The following CPS1 variants were observed in gnomAD, a reference collection of about 807,000 sequenced individuals.
CPS1 encodes the protein carbamoyl-phosphate synthase [ammonia], mitochondrial.
A neutral mutation model predicts 174.6 loss-of-function variants in CPS1; 109 were observed. The observed-to-expected ratio is 0.62, with a 90% CI of 0.53 to 0.73. CPS1 has a LOEUF of 0.73. Among genes scored for constraint, CPS1 ranks in the 30% least tolerant of loss-of-function variants. The pLI, the probability that CPS1 is intolerant of heterozygous loss-of-function variation, is 0.00. For synonymous variants in CPS1, 637 were observed against 632.0 expected (o/e 1.01, Z -0.12); for missense variants, 1,689 against 1,821.9 (o/e 0.93, Z 1.33).
chr2:210,648,866 G>A (rs983425467), intron 27 of CPS1, among the ~76,000 whole-genome samples: 2 of 152,178 alleles, frequency 1.3e-5, no homozygotes, highest in African/African-American at 4.8e-5. Flanking sequence ...TCTCGCCAGC[G>A]TGTTTTCTGA....
chr2:210,499,360 C>T (rs1217079518), intron 1 of CPS1, among the ~76,000 whole-genome samples: 2 of 152,132 alleles, frequency 1.3e-5, no homozygotes, highest in African/African-American at 4.8e-5. Context: ...CTGCAAGTCT[C>T]CTCATCCAGG....
rs369845787 is a variant in CPS1, at chr2:210,658,579, G to A, written c.3667-20G>A. The A allele has an allele frequency of 1.5e-5, 24 of 1,605,040 alleles. No individual in the cohort carries two copies. Among genetic ancestry groups the A allele is most frequent in the Admixed American group, 1.2e-4 (7 of 59,992 alleles). On this transcript the variant is annotated intron_variant, in intron 30 of 37. Coordinates refer to ENST00000233072, the MANE Select transcript of CPS1 (RefSeq NM_001875.5). ...AGATATGCTCTTTAGCACACTATAC[G>A]ATTATGCTTTTTAATTCAGGTGAAG...
chr2:210,554,523 T>C (rs572678363), upstream of CPS1, among the ~76,000 whole-genome samples: 1 of 152,006 alleles, frequency 6.6e-6, no homozygotes. Context: ...TCCTCAGTAC[T>C]TCCACTGTCA....
chr2:210,516,669 C>G (rs1261769757), intron 1 of CPS1, among the ~76,000 whole-genome samples: 1 of 151,914 alleles, frequency 6.6e-6, no homozygotes, highest in Non-Finnish European at 1.5e-5. Context: ...CTGGTTATCT[C>G]TACCTCATAC....
intron 1 of CPS1, among the ~76,000 whole-genome samples, chr2:210,518,416 C>T (rs186463238): frequency 5.1e-4 from 78 of 152,080 alleles, no homozygotes; most frequent in African/African-American, 1.8e-3. Context: ...CCCAACCATT[C>T]TTGTAGATAG....
chr2:210,524,864 T>C (rs1695932067), intron 1 of CPS1, among the ~76,000 whole-genome samples: 1 of 152,056 alleles, frequency 6.6e-6, no homozygotes, highest in African/African-American at 2.4e-5. Flanking sequence ...CTTCAGTGTT[T>C]CTTGTTTAAG....
chr2:210,596,231 T>C (rs575069514), intron 13 of CPS1, among the ~76,000 whole-genome samples: 2 of 151,934 alleles, frequency 1.3e-5, no homozygotes, highest in African/African-American at 4.8e-5. Flanking sequence ...AATAAAACTT[T>C]AGAAAAATTC....
intron 1 of CPS1, among the ~76,000 whole-genome samples, chr2:210,525,386 C>T (rs1360376337): frequency 4.6e-5 from 7 of 151,954 alleles, no homozygotes; most frequent in South Asian, 2.1e-4. Context: ...TGTTCACTCA[C>T]CTGTCCTCTG....
rs59178446 is a variant in CPS1 at position 210,497,893 on chromosome 2, CAT to C, written c.3+20152_3+20153del. On this transcript the variant is annotated intron_variant, in intron 1 of 38. Transcript: ENST00000430249. ...TTTTTGGTAGAACAATATATACATA[CAT>C]ATATATATATATATATATATATATC... is the stretch of plus-strand genomic sequence containing the variant. Among the ~76,000 whole-genome samples the C allele has an allele frequency of 9.1e-3, 790 of 86,922 alleles. 30 individuals are homozygous for C. The highest frequency in any genetic ancestry group is 0.028 in the African/African-American group (671 of 23,748). The allele number at this position is 86,922 out of a possible 152,430, so 57.0% of individuals were successfully genotyped here. A position where few individuals can be genotyped will look rare whatever the true frequency, so the allele number is the denominator to read the frequency against.
At chr2:210,579,898 C>A in intron 5 of CPS1, 128 bp downstream of exon 5, 1 of 750,168 alleles carries the variant, frequency 1.3e-6, no homozygotes, top group Non-Finnish European at 2.3e-6. Flanking sequence ...CCAGCTTCTG[C>A]TATCTGGGTC....
At chr2:210,507,474 G>A (rs1289952099) in intron 1 of CPS1, among the ~76,000 whole-genome samples, 2 of 151,810 alleles carry the variant, frequency 1.3e-5, no homozygotes, top group Non-Finnish European at 2.9e-5. Flanking sequence ...ATCAACTAAC[G>A]AGCAAAATAA....
intron 4 of CPS1, among the ~76,000 whole-genome samples, chr2:210,579,114 T>G (rs1187536492): frequency 6.6e-6 from 1 of 152,222 alleles, no homozygotes; most frequent in African/African-American, 2.4e-5. Flanking sequence ...TTTTCATTTT[T>G]TAACCTCTTT....
At chr2:210,483,137 A>G (rs943136090) in intron 1 of CPS1, among the ~76,000 whole-genome samples, 2 of 152,188 alleles carry the variant, frequency 1.3e-5, no homozygotes, top group Non-Finnish European at 2.9e-5. Context: ...TTTAATAAAG[A>G]TCTATACCTT....
At chr2:210,638,862 T>A (rs1404945527) in intron 22 of CPS1, among the ~76,000 whole-genome samples, 1 of 152,128 alleles carries the variant, frequency 6.6e-6, no homozygotes, top group Non-Finnish European at 1.5e-5. Flanking sequence ...GGGGTAAGTC[T>A]TCCTAGTAAC....
At chr2:210,488,957 G>C (rs753141545) in intron 1 of CPS1, among the ~76,000 whole-genome samples, 1 of 152,026 alleles carries the variant, frequency 6.6e-6, no homozygotes, top group Non-Finnish European at 1.5e-5. Flanking sequence ...TCATACTCAT[G>C]AATATTCTTT....
chr2:210,608,579 C>G lies in CPS1; in HGVS notation c.2391+20C>G. The G allele has an allele frequency of 6.2e-7, 1 of 1,605,414 alleles. No individual in the cohort carries two copies. Among genetic ancestry groups the G allele is most frequent in the Non-Finnish European group, 8.5e-7 (1 of 1,173,118 alleles). ...GGAGAGGTGAGTCCTTGGTTTATTA[C>G]GCTTTTCTTCTTGTTCTCAGTTATT... On this transcript the variant is annotated intron_variant, in intron 19 of 37. Coordinates refer to ENST00000233072, the MANE Select transcript of CPS1 (RefSeq NM_001875.5).
intron 19 of CPS1, among the ~76,000 whole-genome samples, chr2:210,608,822 C>T (rs995451614): frequency 6.6e-6 from 1 of 151,862 alleles, no homozygotes; most frequent in Non-Finnish European, 1.5e-5. Flanking sequence ...GGCCATATAT[C>T]TGGCTATATA....
chr2:210,490,588 T>TG (rs1287225194), intron 1 of CPS1, among the ~76,000 whole-genome samples: 3 of 152,206 alleles, frequency 2.0e-5, no homozygotes, highest in African/African-American at 7.2e-5. Context: ...TAGAAGTTTG[T>TG]GGGGGGACAG....
At chr2:210,564,656 G>A (rs1015493797) in intron 1 of CPS1, among the ~76,000 whole-genome samples, 1 of 152,128 alleles carries the variant, frequency 6.6e-6, no homozygotes, top group African/African-American at 2.4e-5. Flanking sequence ...GATTACAGGC[G>A]TGAGCCACCG....
Sources: gnomAD v4.1 joint callset for allele counts (sites outside exome capture counted in the v4.1 genomes callset) on GRCh38, gnomAD v4.1.1 for gene constraint, MANE v1.5 for transcripts, NCBI Gene and HGNC (gene_info 2026-07-23, HGNC 2026-07-21) for gene names.